The following CERCAM variants were observed in gnomAD, a reference collection of about 807,000 sequenced individuals.
CERCAM encodes the protein inactive glycosyltransferase 25 family member 3.
A neutral mutation model predicts 66.0 loss-of-function variants in CERCAM; 59 were observed. The ratio of observed to expected loss-of-function variants is 0.89; its 90% CI spans 0.73 to 1.11. The LOEUF is 1.11. Among genes scored for constraint, CERCAM ranks in the 50% most tolerant of loss-of-function variants. The pLI, the probability that CERCAM is intolerant of heterozygous loss-of-function variation, is 0.00. For synonymous variants in CERCAM, 318 were observed against 343.6 expected (o/e 0.93, Z 0.83); for missense variants, 840 against 828.3 (o/e 1.01, Z -0.17).
intron 9 of CERCAM, 118 bp from the exon 10 acceptor site, chr9:128,433,984 G>T: frequency 3.6e-6 from 5 of 1,382,160 alleles, no homozygotes; most frequent in Non-Finnish European, 4.9e-6. Flanking sequence ...AGGCTTTGGG[G>T]CAACTGCATG....
At chr9:128,432,160 G>A (rs1833991088) in intron 9 of CERCAM, among the ~76,000 whole-genome samples, 1 of 151,998 alleles carries the variant, frequency 6.6e-6, no homozygotes, top group Non-Finnish European at 1.5e-5. Context: ...CAAGTATCTG[G>A]GATTACAGGC....
At chr9:128,433,915 G>C (rs756469058) in intron 9 of CERCAM, among the ~76,000 whole-genome samples, 187 bp from the exon 10 acceptor site, 19 of 152,238 alleles carry the variant, frequency 1.2e-4, no homozygotes, top group Non-Finnish European at 2.6e-4. Context: ...TCTATCTGGA[G>C]ATCCTCAAAT....
Position 128,424,585 on chromosome 9 carries a change from T to A in CERCAM, c.737T>A (p.Ile246Asn). 6.2e-7 allele frequency: 1 copy of A among 1,614,160 alleles called. No individual in the cohort carries two copies. The highest frequency in any genetic ancestry group is 8.5e-7 in the Non-Finnish European group (1 of 1,180,026). ...TACACTTGGCCTTTCGACGACATCA[T>A]CGTCTTCGCCTATGCCTGCCAGGCT... ...PNYTWPFDDI[I>N]VFAYACQAAG... Residue 246 changes from isoleucine to asparagine, a missense_variant, in exon 5 of 13, where the codon ATC (isoleucine) becomes AAC (asparagine). Physicochemically the swap from Ile to Asn is moderately radical, Grantham distance 149. Transcript: ENST00000372838.
rs375749931 is a variant in CERCAM, at chr9:128,434,846, C to T, written c.1535+233C>T. On this transcript the variant is annotated intron_variant, in intron 11 of 12. Transcript: ENST00000372838. This position sits in a 1 kb window ranked among gnomAD's most constrained non-coding sequence, Gnocchi z 4.5. ...CTTTTTTTTGAAATGGAGTCTTGCT[C>T]TGTTGCCCAGGCTAGAATGCAGTGG... 6.6e-6 allele frequency among the ~76,000 whole-genome samples: 1 copy of T among 152,124 alleles called. No homozygotes were observed. Among genetic ancestry groups the T allele is most frequent in the East Asian group, 1.9e-4 (1 of 5,192 alleles).
At chr9:128,430,427 A>T (rs1049790829) in intron 8 of CERCAM, among the ~76,000 whole-genome samples, 19 of 151,630 alleles carry the variant, frequency 1.3e-4, no homozygotes, top group African/African-American at 4.6e-4. Context: ...TTTTTGAGAG[A>T]TGGGGTTTTT....
rs1189869174 is a variant in CERCAM at position 128,423,153 on chromosome 9, C to G, written c.316C>G (p.Pro106Ala). Reference sequence around the variant, plus strand: ...TCACCTCTATCCCCTCAGGTTCTACCCAGATGAAGAGGGTCCCAAGCACTG... The same window carrying G: ...TCACCTCTATCCCCTCAGGTTCTACGCAGATGAAGAGGGTCCCAAGCACTG... ...WRPEGEPRFYPDEEGPKHWTK... is the reference protein window; with the variant it reads ...WRPEGEPRFYADEEGPKHWTK... The change falls in exon 3 of 13, where the codon CCA (proline) becomes GCA (alanine). Residue 106 changes from proline to alanine, a missense_variant. Transcript: ENST00000372838. The G allele has an allele frequency of 2.5e-6, 4 of 1,613,984 alleles. No homozygotes were observed. The South Asian group carries it at 4.4e-5, about 18-fold the overall frequency.
At position 128,423,178 on chromosome 9, in the gene CERCAM, G is replaced by T; in HGVS notation, c.341G>T (p.Trp114Leu). The change falls in exon 3 of 13, where the codon TGG becomes TTG. Residue 114 changes from tryptophan to leucine, a missense_variant. Physicochemically the swap from Trp to Leu is moderately conservative, Grantham distance 61. Transcript: ENST00000372838. The part of the protein sequence containing the change: ...FYPDEEGPKH[W>L]TKERHQFLME... ...CCAGATGAAGAGGGTCCCAAGCACT[G>T]GACCAAAGAAAGGCACCAGTTTCTG... is the stretch of plus-strand genomic sequence containing the variant. The T allele has an allele frequency of 6.2e-7, 1 of 1,614,124 alleles. No homozygotes were observed. Among genetic ancestry groups the T allele is most frequent in the African/African-American group, 1.3e-5 (1 of 75,038 alleles).
chr9:128,424,763 C>G, intron 5 of CERCAM, 149 bp downstream of exon 5: 1 of 665,138 alleles, frequency 1.5e-6, no homozygotes, highest in Non-Finnish European at 2.5e-6. Flanking sequence ...TCTTTTCTCT[C>G]TCTTTTTTTT....
intron 1 of CERCAM, 92 bp downstream of exon 1, chr9:128,421,166 T>C: frequency 1.6e-6 from 2 of 1,253,982 alleles, no homozygotes; most frequent in Non-Finnish European, 2.0e-6. Context: ...GCTCGCTCCC[T>C]GCCCAGACAC....
intron 3 of CERCAM, among the ~76,000 whole-genome samples, chr9:128,423,727 TC>T (rs1007246637): frequency 6.6e-6 from 1 of 151,938 alleles, no homozygotes; most frequent in African/African-American, 2.4e-5. Flanking sequence ...TCAGATTGGA[TC>T]CCTATGTTAA....
At chr9:128,426,532 A>G (rs1833851305) in intron 5 of CERCAM, among the ~76,000 whole-genome samples, 1 of 152,014 alleles carries the variant, frequency 6.6e-6, no homozygotes, top group South Asian at 2.1e-4. Flanking sequence ...AGGCAGGAGA[A>G]TGGTGTGAAC....
rs1440185576 is a variant in CERCAM, at chr9:128,424,192, G to C, written c.481G>C (p.Gly161Arg). Residue 161 changes from glycine to arginine, a missense_variant, in exon 4 of 13, where the codon GGG (glycine) becomes CGG (arginine). Coordinates refer to ENST00000372838, the MANE Select transcript of CERCAM (RefSeq NM_016174.5). Reference sequence around the variant, plus strand: ...CAATCAGACTCTGCGGCTTCTCATGGGGCAGGGGCTTCCAGTGGTGGCCCC... The same window carrying C: ...CAATCAGACTCTGCGGCTTCTCATGCGGCAGGGGCTTCCAGTGGTGGCCCC... ...TNNQTLRLLM[G>R]QGLPVVAPML... 1 of 1,614,168 alleles carries C rather than the reference G, an allele frequency of 6.2e-7. No individual in the cohort carries two copies. Among genetic ancestry groups the C allele is most frequent in the Non-Finnish European group, 8.5e-7 (1 of 1,180,032 alleles).
At position 128,423,144 on chromosome 9, in the gene CERCAM, A is replaced by G; in HGVS notation, c.309-2A>G. The G allele has an allele frequency of 1.2e-6, 2 of 1,613,932 alleles. No homozygotes were observed. Among genetic ancestry groups the G allele is most frequent in the Non-Finnish European group, 1.7e-6 (2 of 1,179,866 alleles). ...GGGAACATCTCACCTCTATCCCCTCAGGTTCTACCCAGATGAAGAGGGTCC... is the reference window on the plus strand; with the variant it reads ...GGGAACATCTCACCTCTATCCCCTCGGGTTCTACCCAGATGAAGAGGGTCC... On this transcript the variant is annotated splice_acceptor_variant, in intron 2 of 12. Transcript: ENST00000372838. LOFTEE classifies it high-confidence loss of function.
chr9:128,434,646 G>T lies in CERCAM; in HGVS notation c.1535+33G>T. 1.3e-6 allele frequency: 2 copies of T among 1,585,486 alleles called. No homozygotes were observed. Among genetic ancestry groups the T allele is most frequent in the South Asian group, 1.1e-5 (1 of 90,234 alleles). Reference sequence around the variant, plus strand: ...TCTGATGGGGGCCGGGCATGGCAGGGCAGAGGCGTCCCCTCCAGGAACTCA... The same window carrying T: ...TCTGATGGGGGCCGGGCATGGCAGGTCAGAGGCGTCCCCTCCAGGAACTCA... On this transcript the variant is annotated intron_variant, in intron 11 of 12. Coordinates refer to ENST00000372838, the MANE Select transcript of CERCAM (RefSeq NM_016174.5). The surrounding 1 kb of genome is among the most constrained non-coding windows in gnomAD (Gnocchi z 4.5).
At chr9:128,435,562 TGGGCAGGCAAGGTGCCTGGCTCC>T (rs1404657790) in intron 11 of CERCAM, 68 bp from the exon 12 acceptor site, 5 of 1,428,782 alleles carry the variant, frequency 3.5e-6, no homozygotes, top group South Asian at 2.8e-5. Flanking sequence ...TGAGGTGCTT[TGGGCAGGCAAGGTGCCTGGCTCC>T]GGGCAGGCAT....
At chr9:128,422,751 C>A (rs545967063) in intron 1 of CERCAM, 117 bp from the exon 2 acceptor site, 87 of 1,164,100 alleles carry the variant, frequency 7.5e-5, no homozygotes, top group Admixed American at 5.1e-4. Context: ...GCACACCTAC[C>A]CTTCACTGTT....
Position 128,424,205 on chromosome 9 carries a change from C to A in CERCAM, c.494C>A (p.Pro165Gln), listed in dbSNP as rs112656695. 305 of 1,614,176 alleles carry A rather than the reference C, an allele frequency of 1.9e-4. No individual in the cohort carries two copies. The African/African-American group carries it at 3.7e-3, about 20-fold the overall frequency. ...TLRLLMGQGL[P>Q]VVAPMLDSQT... ...CGGCTTCTCATGGGGCAGGGGCTTC[C>A]AGTGGTGGCCCCAATGCTGGACTCC... Residue 165 changes from proline to glutamine, a missense_variant, in exon 4 of 13, where the codon CCA becomes CAA. Pro to Gln is a moderately conservative substitution (Grantham distance 76). Coordinates refer to ENST00000372838, the MANE Select transcript of CERCAM (RefSeq NM_016174.5).
rs915888047 is a variant in CERCAM, at chr9:128,422,929, G to A, written c.259G>A (p.Val87Met). The stretch of plus-strand genomic sequence containing the variant: ...GATGCTGCAGGAGTGGCTGGCGGCT[G>A]TGGGCGATGACTATGCTGCTGTGGT... Reference protein sequence around the residue: ...TEMLQEWLAAVGDDYAAVVWR... With the variant: ...TEMLQEWLAAMGDDYAAVVWR... The change falls in exon 2 of 13, where the codon GTG (valine) becomes ATG (methionine). Residue 87 changes from valine to methionine, a missense_variant. Physicochemically the swap from Val to Met is conservative, Grantham distance 21. Coordinates refer to ENST00000372838, the MANE Select transcript of CERCAM (RefSeq NM_016174.5). The A allele has an allele frequency of 1.1e-5, 18 of 1,613,612 alleles. No individual in the cohort carries two copies. Among genetic ancestry groups the A allele is most frequent in the African/African-American group, 2.7e-5 (2 of 74,932 alleles).
In CERCAM at chr9:128,434,637, C is replaced by A; in HGVS notation, c.1535+24C>A. 1.3e-6 allele frequency: 2 copies of A among 1,594,422 alleles called. No homozygotes were observed. The highest frequency in any genetic ancestry group is 1.3e-5 in the African/African-American group (1 of 74,802). On this transcript the variant is annotated intron_variant, in intron 11 of 12. Coordinates refer to ENST00000372838, the MANE Select transcript of CERCAM (RefSeq NM_016174.5). This position sits in a 1 kb window ranked among gnomAD's most constrained non-coding sequence, Gnocchi z 4.5. ...AAGTGAGGCTCTGATGGGGGCCGGG[C>A]ATGGCAGGGCAGAGGCGTCCCCTCC...
Sources: gnomAD v4.1 joint callset for allele counts (sites outside exome capture counted in the v4.1 genomes callset) on GRCh38, gnomAD v4.1.1 for gene constraint, Gnocchi (gnomAD v3.1) non-coding constraint, MANE v1.5 for transcripts, NCBI Gene and HGNC (gene_info 2026-07-23, HGNC 2026-07-21) for gene names.